ZC3H12C: variants seen among roughly 807,000 people sequenced by gnomAD.
The protein encoded by ZC3H12C is zinc finger CCCH-type containing 12C.
In ZC3H12C, 20 loss-of-function variants were observed where a neutral mutation model predicts 76.3. The ratio of observed to expected loss-of-function variants is 0.26; its 90% CI spans 0.18 to 0.38. The LOEUF (loss-of-function observed/expected upper bound fraction) is 0.38, where lower values mean the gene tolerates loss of function less well. Among genes scored for constraint, ZC3H12C ranks in the 10% least tolerant of loss-of-function variants. The pLI, the probability that ZC3H12C is intolerant of heterozygous loss-of-function variation, is 1.00. For synonymous variants in ZC3H12C, 352 were observed against 399.6 expected, an observed-to-expected ratio of 0.88 and a Z score of 1.42; for missense variants, 874 against 1,086.5, an observed-to-expected ratio of 0.80 and a Z score of 2.75.
intron 4 of ZC3H12C, among the ~76,000 whole-genome samples, chr11:110,161,592 A>G (rs1327142112): frequency 6.6e-6 from 1 of 152,214 alleles, no homozygotes; most frequent in Non-Finnish European, 1.5e-5. Flanking sequence ...TTATGCTATT[A>G]AAGAGGCACT....
intron 1 of ZC3H12C, among the ~76,000 whole-genome samples, chr11:110,116,563 T>G (rs1022399543): frequency 6.6e-6 from 1 of 152,206 alleles, no homozygotes; most frequent in Non-Finnish European, 1.5e-5. Flanking sequence ...AATATTCTTC[T>G]GTGTTACTAA....
intron 2 of ZC3H12C, among the ~76,000 whole-genome samples, chr11:110,150,732 C>A (rs1591481787): frequency 6.6e-6 from 1 of 151,862 alleles, no homozygotes; most frequent in South Asian, 2.1e-4. Context: ...TAAATGTTTT[C>A]TTCTTCTGTC....
intron 3 of ZC3H12C, among the ~76,000 whole-genome samples, chr11:110,155,852 C>T (rs678835): frequency 0.69 from 104,703 of 151,936 alleles, 36,866 homozygotes; most frequent in South Asian, 0.79. Flanking sequence ...TCTTAGTACT[C>T]GTCCTTACCT....
chr11:110,153,636 A>C (rs1027491106), intron 3 of ZC3H12C, among the ~76,000 whole-genome samples: 4 of 152,140 alleles, frequency 2.6e-5, no homozygotes, highest in Admixed American at 2.6e-4. Context: ...CAGAAGTCAC[A>C]AGACCTGGAT....
chr11:110,127,575 C>T lies in ZC3H12C; in HGVS notation c.22-9088C>T, dbSNP rs112268272. ...GGGAAAATCTGATATAATAATCTTACTTCCATGGTGTTATCATTAGGATCA... is the reference window on the plus strand; with the variant it reads ...GGGAAAATCTGATATAATAATCTTATTTCCATGGTGTTATCATTAGGATCA... On this transcript the variant is annotated intron_variant, in intron 1 of 5. Transcript: ENST00000278590. 1.1e-3 allele frequency among the ~76,000 whole-genome samples: 174 copies of T among 152,130 alleles called. 3 individuals carry two copies. The highest frequency in any genetic ancestry group is 4.1e-3 in the African/African-American group (171 of 41,522).
chr11:110,139,471 A>G (rs1396681746), intron 2 of ZC3H12C, among the ~76,000 whole-genome samples: 4 of 152,168 alleles, frequency 2.6e-5, no homozygotes, highest in African/African-American at 9.7e-5. Flanking sequence ...GAGGTAGGAG[A>G]TCAGTTTGGA....
chr11:110,136,597 C>A (rs941439549), intron 1 of ZC3H12C, 66 bp from the exon 2 acceptor site: 2 of 1,519,388 alleles, frequency 1.3e-6, no homozygotes, highest in Admixed American at 4.0e-5. Context: ...TCTCTTCTGA[C>A]TTCTCCATTG....
Position 110,145,804 on chromosome 11 carries a change from C to A in ZC3H12C, c.774-7115C>A, listed in dbSNP as rs1233654604. Among the ~76,000 whole-genome samples the A allele has an allele frequency of 3.3e-5, 5 of 152,198 alleles. No homozygotes were observed. The East Asian group carries it at 9.7e-4, about 29-fold the overall frequency. Reference sequence around the variant, plus strand: ...CTGTCTCCTAGAATCTTCCAAATACCCAGCGTACAGAATATGATGGCTCTT... The same window carrying A: ...CTGTCTCCTAGAATCTTCCAAATACACAGCGTACAGAATATGATGGCTCTT... On this transcript the variant is annotated intron_variant, in intron 2 of 5. Coordinates refer to ENST00000278590, the MANE Select transcript of ZC3H12C (RefSeq NM_033390.2).
At chr11:110,094,868 T>C (rs965803048) in intron 1 of ZC3H12C, among the ~76,000 whole-genome samples, 39 of 152,320 alleles carry the variant, frequency 2.6e-4, no homozygotes, top group African/African-American at 9.4e-4. Context: ...TTCAAAATGT[T>C]TTAATATTTT....
Position 110,101,696 on chromosome 11 carries a change from C to T in ZC3H12C, c.21+8264C>T, listed in dbSNP as rs551352024. On this transcript the variant is annotated intron_variant, in intron 1 of 5. Transcript: ENST00000278590. Reference sequence around the variant, plus strand: ...CCGAGCAGCTGGGACTACAGGCCCGCGCCACCACGTCCAGCTAATTTTTGT... The same window carrying T: ...CCGAGCAGCTGGGACTACAGGCCCGTGCCACCACGTCCAGCTAATTTTTGT... 1.5e-4 allele frequency among the ~76,000 whole-genome samples: 23 copies of T among 152,114 alleles called. No homozygotes were observed. The East Asian group carries it at 2.9e-3, about 19-fold the overall frequency.
At chr11:110,103,613 GT>G (rs889556854) in intron 1 of ZC3H12C, among the ~76,000 whole-genome samples, 7 of 138,070 alleles carry the variant, frequency 5.1e-5, no homozygotes, top group African/African-American at 7.9e-5. Flanking sequence ...GTTTTTTTTT[GT>G]TTTTTTTTTG....
chr11:110,130,278 CAG>C (rs1192818887), intron 1 of ZC3H12C, among the ~76,000 whole-genome samples: 3 of 152,106 alleles, frequency 2.0e-5, no homozygotes, highest in African/African-American at 2.4e-5. Context: ...CAAAGTTAGA[CAG>C]AACTTTTGTT....
intron 1 of ZC3H12C, among the ~76,000 whole-genome samples, chr11:110,114,206 C>CT (rs1278986822): frequency 6.6e-6 from 1 of 151,970 alleles, no homozygotes; most frequent in Non-Finnish European, 1.5e-5. Flanking sequence ...GGCAACAATC[C>CT]TTTTTTTTCT....
Position 110,106,043 on chromosome 11 carries a change from C to T in ZC3H12C, c.21+12611C>T, listed in dbSNP as rs909459628. On this transcript the variant is annotated intron_variant, in intron 1 of 5. Transcript: ENST00000278590. ...CAGCACTTTGGGAGGCCGAGGCGGG[C>T]GGATCACGAGGTCAGGAGATCGAGA... 5.4e-5 allele frequency among the ~76,000 whole-genome samples: 4 copies of T among 73,954 alleles called. 2 individuals carry two copies. Among genetic ancestry groups the T allele is most frequent in the Non-Finnish European group, 5.8e-5 (2 of 34,782 alleles). 48.5% of individuals were successfully genotyped at this position (73,954 alleles called of 152,430 possible).
At chr11:110,145,636 G>T (rs1862152826) in intron 2 of ZC3H12C, among the ~76,000 whole-genome samples, 1 of 151,744 alleles carries the variant, frequency 6.6e-6, no homozygotes, top group African/African-American at 2.4e-5. Flanking sequence ...TAGTAAATCA[G>T]CATCTCATAT....
intron 1 of ZC3H12C, among the ~76,000 whole-genome samples, chr11:110,111,196 T>G (rs1029482115): frequency 1.3e-5 from 2 of 152,198 alleles, no homozygotes; most frequent in African/African-American, 2.4e-5. Context: ...TTCCTCACGA[T>G]AACAGGTAGA....
chr11:110,104,665 C>A (rs1320633695), intron 1 of ZC3H12C, among the ~76,000 whole-genome samples: 1 of 152,192 alleles, frequency 6.6e-6, no homozygotes, highest in Non-Finnish European at 1.5e-5. Flanking sequence ...CCAGCTCTGC[C>A]ATTTACTGGT....
At chr11:110,156,949 G>A (rs1337190576) in intron 3 of ZC3H12C, among the ~76,000 whole-genome samples, 3 of 152,196 alleles carry the variant, frequency 2.0e-5, no homozygotes, top group African/African-American at 7.2e-5. Flanking sequence ...GGGAGGCCCA[G>A]GCGGGCGGAT....
At chr11:110,153,847 T>C (rs1565266187) in intron 3 of ZC3H12C, among the ~76,000 whole-genome samples, 1 of 152,232 alleles carries the variant, frequency 6.6e-6, no homozygotes, top group African/African-American at 2.4e-5. Context: ...ATTTTGTAGT[T>C]TTTAAATGTA....
Sources: gnomAD v4.1 joint callset for allele counts (sites outside exome capture counted in the v4.1 genomes callset) on GRCh38, gnomAD v4.1.1 for gene constraint, MANE v1.5 for transcripts, NCBI Gene and HGNC (gene_info 2026-07-23, HGNC 2026-07-21) for gene names.